The following CTLA4 variants were observed in gnomAD, a reference collection of about 807,000 sequenced individuals.
CTLA4 encodes cytotoxic T-lymphocyte associated protein 4.
A neutral mutation model predicts 20.4 loss-of-function variants in CTLA4; 3 were observed. The ratio of observed to expected loss-of-function variants is 0.15; its 90% CI spans 0.07 to 0.38. The LOEUF (loss-of-function observed/expected upper bound fraction) is 0.38. CTLA4 is among the 10% of genes least tolerant of loss of function. The pLI is 1.00. For synonymous variants in CTLA4, 100 were observed against 105.2 expected (o/e 0.95, Z 0.30); for missense variants, 184 against 276.8 (o/e 0.66, Z 2.38).
Position 203,870,257 on chromosome 2 carries a change from A to G in CTLA4, c.110-329A>G. 2.8e-6 allele frequency: 1 copy of G among 362,620 alleles called. No individual in the cohort carries two copies. The highest frequency in any genetic ancestry group is 5.1e-6 in the Non-Finnish European group (1 of 195,866). The allele number at this position is 362,620 out of a possible 1,614,324, so 22.5% of individuals were successfully genotyped here. A position where few individuals can be genotyped will look rare whatever the true frequency, so the allele number is the denominator to read the frequency against. ...TCTCTTACTATATGTGAAAAAAATG[A>G]AGGACATGGGGGAAGTGTGACTTGC... On this transcript the variant is annotated intron_variant, in intron 1 of 3. Transcript: ENST00000648405. The surrounding 1 kb of genome is among the most constrained non-coding windows in gnomAD (Gnocchi z 5.3).
chr2:203,872,669 T>C, intron 3 of CTLA4, 39 bp from the exon 4 acceptor site: 1 of 1,296,918 alleles, frequency 7.7e-7, no homozygotes, highest in Non-Finnish European at 1.1e-6. Flanking sequence ...GCTTCCGTAT[T>C]CCTCAGTAGT....
chr2:203,871,052 A>G, intron 2 of CTLA4, 119 bp downstream of exon 2: 2 of 814,554 alleles, frequency 2.5e-6, no homozygotes, highest in Non-Finnish European at 3.8e-6. Context: ...ATTCTCTTTA[A>G]GAGTTCTGTA....
rs1476185028 is a variant in CTLA4, at chr2:203,873,269, A to C, written c.*457A>C. ...AATGTATGATTACATCAAGGCTTCA[A>C]AAATACTCACATGGCTATGTTTTAG... On this transcript the variant is annotated 3_prime_UTR_variant, in exon 4 of 4. Coordinates refer to ENST00000648405, the MANE Select transcript of CTLA4 (RefSeq NM_005214.5). 1.6e-5 allele frequency: 6 copies of C among 371,168 alleles called. No homozygotes were observed. The highest frequency in any genetic ancestry group is 1.3e-4 in the African/African-American group (6 of 45,230). 23.0% of individuals were successfully genotyped at this position (371,168 alleles called of 1,614,324 possible).
chr2:203,870,702 C>A lies in CTLA4; in HGVS notation c.226C>A (p.Gln76Lys). ...TGAGGTCCGGGTGACAGTGCTTCGG[C>A]AGGCTGACAGCCAGGTGACTGAAGT... ...ATEVRVTVLR[Q>K]ADSQVTEVCA... The change falls in exon 2 of 4, where the codon CAG (glutamine) becomes AAG (lysine). Residue 76 changes from glutamine (Q) to lysine (K), a missense_variant. Coordinates refer to ENST00000648405, the MANE Select transcript of CTLA4 (RefSeq NM_005214.5). The surrounding 1 kb of genome is among the most constrained non-coding windows in gnomAD (Gnocchi z 5.3). 1 of 1,614,224 alleles carries A rather than the reference C, an allele frequency of 6.2e-7. No individual in the cohort carries two copies.
In CTLA4 at chr2:203,872,281, T is replaced by C. The variant is rs181723616; in HGVS notation, c.568-427T>C. Among the ~76,000 whole-genome samples, 34 of 152,294 alleles carry C rather than the reference T, an allele frequency of 2.2e-4. No individual in the cohort carries two copies. In the East Asian group the frequency reaches 5.0e-3, roughly 22 times the overall value. The stretch of plus-strand genomic sequence containing the variant: ...TACACATACACAAAGATATACTCTA[T>C]TCCAACATCCTCTACCCAACCTGAC... On this transcript the variant is annotated intron_variant, in intron 3 of 3. Transcript: ENST00000648405.
rs1688731505 is a variant in CTLA4, at chr2:203,871,463, C to T, written c.543C>T (p.Leu181=). 2 of 1,613,818 alleles carry T rather than the reference C, an allele frequency of 1.2e-6. No individual in the cohort carries two copies. Among genetic ancestry groups the T allele is most frequent in the Non-Finnish European group, 8.5e-7 (1 of 1,179,856 alleles). Residue 181 remains leucine (L), a synonymous_variant, in exon 3 of 4, where the codon CTC becomes CTT. Coordinates refer to ENST00000648405, the MANE Select transcript of CTLA4 (RefSeq NM_005214.5). ...SSGLFFYSFL[L]TAVSLSKMLK... ...GGTTGTTTTTTTATAGCTTTCTCCTCACAGCTGTTTCTTTGAGCAAAATGG... is the reference window on the plus strand; with the variant it reads ...GGTTGTTTTTTTATAGCTTTCTCCTTACAGCTGTTTCTTTGAGCAAAATGG...
intron 3 of CTLA4, 119 bp from the exon 4 acceptor site, chr2:203,872,589 A>G (rs1688752744): frequency 1.8e-6 from 1 of 559,308 alleles, no homozygotes; most frequent in Admixed American, 3.0e-5. Flanking sequence ...ATAATTCTGT[A>G]TGCTGTGAAC....
At position 203,870,977 on chromosome 2, in the gene CTLA4, G is replaced by A; in HGVS notation, c.457+44G>A. 1.4e-6 allele frequency: 2 copies of A among 1,478,316 alleles called. No individual in the cohort carries two copies. The highest frequency in any genetic ancestry group is 1.9e-6 in the Non-Finnish European group (2 of 1,068,406). 91.6% of individuals were successfully genotyped at this position (1,478,316 alleles called of 1,614,324 possible). On this transcript the variant is annotated intron_variant, in intron 2 of 3. Transcript: ENST00000648405. The surrounding 1 kb of genome is among the most constrained non-coding windows in gnomAD (Gnocchi z 5.3). ...CTGAGTTGACACCTGTTGCATTGCAGTCTTCTATGCACAAAAACAGTTTTG... is the reference window on the plus strand; with the variant it reads ...CTGAGTTGACACCTGTTGCATTGCAATCTTCTATGCACAAAAACAGTTTTG...
chr2:203,872,671 C>T, intron 3 of CTLA4, 37 bp from the exon 4 acceptor site: 10 of 1,325,764 alleles, frequency 7.5e-6, no homozygotes, highest in Non-Finnish European at 1.1e-5. Context: ...TTCCGTATTC[C>T]TCAGTAGTAA....
chr2:203,868,571 T>C (rs1305565730), intron 1 of CTLA4, among the ~76,000 whole-genome samples: 1 of 152,172 alleles, frequency 6.6e-6, no homozygotes, highest in African/African-American at 2.4e-5. Flanking sequence ...AATGCCTTCT[T>C]TACTTAATTC....
chr2:203,870,717 G>T lies in CTLA4; in HGVS notation c.241G>T (p.Val81Leu). 6.2e-7 allele frequency: 1 copy of T among 1,614,220 alleles called. No homozygotes were observed. The highest frequency in any genetic ancestry group is 8.5e-7 in the Non-Finnish European group (1 of 1,180,040). ...VTVLRQADSQ[V>L]TEVCAATYMM... The stretch of plus-strand genomic sequence containing the variant: ...AGTGCTTCGGCAGGCTGACAGCCAG[G>T]TGACTGAAGTCTGTGCGGCAACCTA... Residue 81 changes from valine to leucine, a missense_variant, in exon 2 of 4, where the codon GTG (valine) becomes TTG (leucine). Val to Leu is a conservative substitution (Grantham distance 32, BLOSUM62 1). This residue lies in a region of CTLA4 where 147 missense variants were observed against 223.4 expected (regional missense o/e 0.66). Coordinates refer to ENST00000648405, the MANE Select transcript of CTLA4 (RefSeq NM_005214.5). The surrounding 1 kb of genome is among the most constrained non-coding windows in gnomAD (Gnocchi z 5.3).
At position 203,871,280 on chromosome 2, in the gene CTLA4, C is replaced by T. The variant is rs1688727280; in HGVS notation, c.458-98C>T. On this transcript the variant is annotated intron_variant, in intron 2 of 3. Transcript: ENST00000648405. ...TGCAATTTAGGGGTGGACCTCAAGGCCTGGAAGCTCTAATGTCCTTTTTTC... is the reference window on the plus strand; with the variant it reads ...TGCAATTTAGGGGTGGACCTCAAGGTCTGGAAGCTCTAATGTCCTTTTTTC... The T allele has an allele frequency of 4.7e-6, 5 of 1,056,722 alleles. 1 individual carries two copies. The Admixed American group carries it at 6.0e-5, about 13-fold the overall frequency. The allele number at this position is 1,056,722 out of a possible 1,614,324, so 65.5% of individuals were successfully genotyped here.
chr2:203,871,558 G>A (rs1326697562), intron 3 of CTLA4, 71 bp downstream of exon 3: 1 of 1,198,498 alleles, frequency 8.3e-7, no homozygotes, highest in Non-Finnish European at 1.2e-6. Flanking sequence ...GCCAAAAGAT[G>A]ATGTTGAGTT....
In CTLA4 at chr2:203,870,857, C is replaced by T. The variant is rs1381701157; in HGVS notation, c.381C>T (p.Tyr127=). Reference sequence around the variant, plus strand: ...TGAGGGCCATGGACACGGGACTCTACATCTGCAAGGTGGAGCTCATGTACC... The same window carrying T: ...TGAGGGCCATGGACACGGGACTCTATATCTGCAAGGTGGAGCTCATGTACC... The part of the protein sequence containing the change: ...QGLRAMDTGL[Y]ICKVELMYPP... Residue 127 remains tyrosine, a synonymous_variant, in exon 2 of 4, where the codon TAC becomes TAT. Transcript: ENST00000648405. This position sits in a 1 kb window ranked among gnomAD's most constrained non-coding sequence, Gnocchi z 5.3. 3 of 1,614,230 alleles carry T rather than the reference C, an allele frequency of 1.9e-6. No individual in the cohort carries two copies. Among genetic ancestry groups the T allele is most frequent in the Non-Finnish European group, 2.5e-6 (3 of 1,180,050 alleles).
At position 203,873,341 on chromosome 2, in the gene CTLA4, T is replaced by G. The variant is rs1323011744; in HGVS notation, c.*529T>G. On this transcript the variant is annotated 3_prime_UTR_variant, in exon 4 of 4. Coordinates refer to ENST00000648405, the MANE Select transcript of CTLA4 (RefSeq NM_005214.5). ...TTGCATATATACATATATATATATATATATATATATATATATATATATATA... is the reference window on the plus strand; with the variant it reads ...TTGCATATATACATATATATATATAGATATATATATATATATATATATATA... 1.6e-3 allele frequency: 9 copies of G among 5,462 alleles called. No homozygotes were observed. Among genetic ancestry groups the G allele is most frequent in the African/African-American group, 3.9e-3 (9 of 2,318 alleles). The allele number at this position is 5,462 out of a possible 1,614,324, so 0.3% of individuals were successfully genotyped here. A position where few individuals can be genotyped will look rare whatever the true frequency, so the allele number is the denominator to read the frequency against.
intron 1 of CTLA4, among the ~76,000 whole-genome samples, chr2:203,869,592 A>G (rs115832527): frequency 0.011 from 1,723 of 152,232 alleles, 35 homozygotes; most frequent in African/African-American, 0.04. Flanking sequence ...AATGTTATTT[A>G]TTGTATTTGT....
rs376126248 is a variant in CTLA4, at chr2:203,870,890, A to T, written c.414A>T (p.Pro138=). The change falls in exon 2 of 4, where the codon CCA becomes CCT. Residue 138 remains proline, a synonymous_variant. Transcript: ENST00000648405. This position sits in a 1 kb window ranked among gnomAD's most constrained non-coding sequence, Gnocchi z 5.3. The part of the protein sequence containing the change: ...ICKVELMYPP[P]YYLGIGNGTQ... Reference sequence around the variant, plus strand: ...AGGTGGAGCTCATGTACCCACCGCCATACTACCTGGGCATAGGCAACGGAA... The same window carrying T: ...AGGTGGAGCTCATGTACCCACCGCCTTACTACCTGGGCATAGGCAACGGAA... The T allele has an allele frequency of 5.6e-6, 9 of 1,614,194 alleles. No homozygotes were observed. Among genetic ancestry groups the T allele is most frequent in the Non-Finnish European group, 6.8e-6 (8 of 1,180,006 alleles).
Position 203,873,523 on chromosome 2 carries a change from A to C in CTLA4, c.*711A>C, listed in dbSNP as rs1462106357. 1 of 220,430 alleles carries C rather than the reference A, an allele frequency of 4.5e-6. No homozygotes were observed. The highest frequency in any genetic ancestry group is 9.0e-6 in the Non-Finnish European group (1 of 110,668). 13.7% of individuals were successfully genotyped at this position (220,430 alleles called of 1,614,324 possible). ...GTGGAGGAGCTCAGGACACTAATACACCAGGTAGAACACAAGGTCATTTGC... is the reference window on the plus strand; with the variant it reads ...GTGGAGGAGCTCAGGACACTAATACCCCAGGTAGAACACAAGGTCATTTGC... On this transcript the variant is annotated 3_prime_UTR_variant, in exon 4 of 4. Transcript: ENST00000648405.
intron 1 of CTLA4, among the ~76,000 whole-genome samples, chr2:203,868,798 T>C (rs760691748): frequency 2.2e-4 from 34 of 152,184 alleles, no homozygotes; most frequent in Admixed American, 5.9e-4. Context: ...ACCAGGTTTG[T>C]TACACGGCTT....
Sources: gnomAD v4.1 joint callset for allele counts (sites outside exome capture counted in the v4.1 genomes callset) on GRCh38, gnomAD v4.1.1 for gene constraint, gnomAD v4.1.1 regional missense constraint, Gnocchi (gnomAD v3.1) non-coding constraint, MANE v1.5 for transcripts, NCBI Gene and HGNC (gene_info 2026-07-23, HGNC 2026-07-21) for gene names.